Variants in PKN2 observed in about 807,000 individuals in gnomAD.
PKN2 encodes protein kinase N2.
Under a neutral mutation model 119.1 loss-of-function variants are expected in PKN2, and 38 were observed. The ratio of observed to expected loss-of-function variants is 0.32; its 90% CI spans 0.25 to 0.42. The LOEUF (loss-of-function observed/expected upper bound fraction) is 0.42, where lower values mean the gene tolerates loss of function less well. Among genes scored for constraint, PKN2 ranks in the 10% least tolerant of loss-of-function variants. PKN2 has a pLI of 1.00. For missense variants in PKN2, 850 were observed against 1,165.1 expected, an observed-to-expected ratio of 0.73 and a Z score of 3.94; for synonymous variants, 390 against 384.9, an observed-to-expected ratio of 1.01 and a Z score of -0.15.
At chr1:88,831,341 G>GAT (rs1362768871) in intron 19 of PKN2, among the ~76,000 whole-genome samples, 1 of 151,424 alleles carries the variant, frequency 6.6e-6, no homozygotes, top group African/African-American at 2.4e-5. Flanking sequence ...TGTTCAAGCA[G>GAT]AAGACCAAAG....
At chr1:88,749,508 T>G (rs1668903658) in intron 2 of PKN2, among the ~76,000 whole-genome samples, 1 of 152,182 alleles carries the variant, frequency 6.6e-6, no homozygotes. Flanking sequence ...TTATAAAATA[T>G]TTACCAAAAT....
intron 1 of PKN2, among the ~76,000 whole-genome samples, chr1:88,707,528 AC>A (rs1667051379): frequency 6.6e-6 from 1 of 152,162 alleles, no homozygotes; most frequent in Non-Finnish European, 1.5e-5. Flanking sequence ...CATTTTATAT[AC>A]ATGATTATAG....
rs568799156 is a variant in PKN2, at chr1:88,685,668, A to G, written c.48+1040A>G. Among the ~76,000 whole-genome samples, 11 of 152,250 alleles carry G rather than the reference A, an allele frequency of 7.2e-5. No homozygotes were observed. The East Asian group carries it at 1.9e-3, about 27-fold the overall frequency. On this transcript the variant is annotated intron_variant, in intron 1 of 21. Transcript: ENST00000370521. ...AAAAGTTATTTTGCTTTATTTTAAT[A>G]TAGTTATCTTTTAGCTACTCAAAGA...
chr1:88,755,963 A>T (rs1001490282), intron 2 of PKN2, among the ~76,000 whole-genome samples: 4 of 148,066 alleles, frequency 2.7e-5, no homozygotes, highest in Non-Finnish European at 5.9e-5. Flanking sequence ...ACCAGGCTGG[A>T]GTTCAGTGGC....
chr1:88,706,752 A>G (rs1424665482), intron 1 of PKN2, among the ~76,000 whole-genome samples: 1 of 152,016 alleles, frequency 6.6e-6, no homozygotes, highest in Non-Finnish European at 1.5e-5. Flanking sequence ...TTTTTTTAGC[A>G]TCATTGCACA....
At chr1:88,699,339 A>G (rs1666673828) in intron 1 of PKN2, among the ~76,000 whole-genome samples, 1 of 152,092 alleles carries the variant, frequency 6.6e-6, no homozygotes, top group Admixed American at 6.5e-5. Flanking sequence ...ATGTATTTTT[A>G]ATTATATAAG....
chr1:88,714,138 T>G (rs1371435951), intron 1 of PKN2, among the ~76,000 whole-genome samples: 1 of 152,214 alleles, frequency 6.6e-6, no homozygotes, highest in African/African-American at 2.4e-5. Context: ...TCCATTTGTC[T>G]ATATCTCTGT....
intron 2 of PKN2, among the ~76,000 whole-genome samples, chr1:88,755,916 CTTTT>C (rs545204853): frequency 7.0e-6 from 1 of 143,050 alleles, no homozygotes. Context: ...ATTGGTATAT[CTTTT>C]TTTTTTTTTT....
intron 12 of PKN2, 47 bp from the exon 13 acceptor site, chr1:88,807,266 G>A (rs549823512): frequency 2.4e-6 from 3 of 1,227,646 alleles, no homozygotes; most frequent in Non-Finnish European, 3.4e-6. Flanking sequence ...CAAATAAGTT[G>A]TTTTCTGGGT....
intron 3 of PKN2, among the ~76,000 whole-genome samples, chr1:88,765,281 T>TC (rs1669620967): frequency 1.9e-5 from 1 of 51,348 alleles, no homozygotes; most frequent in Non-Finnish European, 4.1e-5. Flanking sequence ...AGACTTCATC[T>TC]CAAAAAAAAA....
chr1:88,747,870 A>G (rs905624781), intron 2 of PKN2, among the ~76,000 whole-genome samples: 3 of 152,102 alleles, frequency 2.0e-5, no homozygotes, highest in Non-Finnish European at 4.4e-5. Flanking sequence ...AATTCCTAAA[A>G]TATATCTGTA....
chr1:88,724,891 T>G (rs1424155360), intron 1 of PKN2, among the ~76,000 whole-genome samples: 3 of 145,890 alleles, frequency 2.1e-5, no homozygotes, highest in Admixed American at 1.4e-4. Flanking sequence ...GGTTTTTTTT[T>G]TTTTTTTTTT....
At chr1:88,816,659 T>A (rs1672008462) in intron 16 of PKN2, 1 of 152,222 alleles carries the variant, frequency 6.6e-6, no homozygotes, top group South Asian at 2.1e-4. Flanking sequence ...TTCTAAGTAG[T>A]TGCATTTTAT....
chr1:88,810,315 T>C, intron 15 of PKN2, among the ~76,000 whole-genome samples: 1 of 151,914 alleles, frequency 6.6e-6, no homozygotes, highest in South Asian at 2.1e-4. Flanking sequence ...AGAAATGGGG[T>C]TTCACCATGT....
At chr1:88,761,198 G>T (rs773495305) in intron 3 of PKN2, among the ~76,000 whole-genome samples, 1 of 152,096 alleles carries the variant, frequency 6.6e-6, no homozygotes, top group Non-Finnish European at 1.5e-5. Context: ...CGCTGAACCA[G>T]ATTATCCTCA....
At position 88,771,889 on chromosome 1, in the gene PKN2, G is replaced by T. The variant is rs376805431; in HGVS notation, c.985+10G>T. ...CCAGCAGCACTAACAGGTATGTAGT[G>T]TATAGCCATTGTTTTTTGTGTGTAT... On this transcript the variant is annotated intron_variant, in intron 6 of 21. Coordinates refer to ENST00000370521, the MANE Select transcript of PKN2 (RefSeq NM_006256.4). 5.7e-5 allele frequency: 89 copies of T among 1,563,842 alleles called. No individual in the cohort carries two copies. In the East Asian group the frequency reaches 1.6e-3, roughly 27 times the overall value.
At chr1:88,731,276 C>A (rs907363328) in intron 1 of PKN2, among the ~76,000 whole-genome samples, 2 of 152,142 alleles carry the variant, frequency 1.3e-5, no homozygotes, top group African/African-American at 4.8e-5. Context: ...TGGTTTCTTG[C>A]TTTCTAGTTG....
At chr1:88,825,228 G>C (rs547300932) in intron 18 of PKN2, among the ~76,000 whole-genome samples, 9 of 152,262 alleles carry the variant, frequency 5.9e-5, no homozygotes, top group African/African-American at 2.2e-4. Context: ...TTTCTTGACT[G>C]GGCTTCTTTT....
intron 2 of PKN2, among the ~76,000 whole-genome samples, chr1:88,743,050 C>T (rs1007143138): frequency 4.6e-5 from 7 of 151,986 alleles, no homozygotes; most frequent in African/African-American, 1.7e-4. Flanking sequence ...AATTAGTCGA[C>T]GTGGTGGCGT....
Sources: gnomAD v4.1 joint callset for allele counts (sites outside exome capture counted in the v4.1 genomes callset) on GRCh38, gnomAD v4.1.1 for gene constraint, MANE v1.5 for transcripts, NCBI Gene and HGNC (gene_info 2026-07-23, HGNC 2026-07-21) for gene names.